NTN1: variants seen among roughly 807,000 people sequenced by gnomAD.
NTN1 encodes netrin-1.
NTN1 carries 11 observed loss-of-function variants against 54.2 expected under a neutral mutation model. The ratio of observed to expected loss-of-function variants is 0.20; its 90% CI spans 0.13 to 0.34. The LOEUF is 0.34. NTN1 is among the 10% of genes least tolerant of loss of function. NTN1 has a pLI of 1.00. For missense variants in NTN1, 740 were observed against 893.1 expected, an observed-to-expected ratio of 0.83 and a Z score of 2.18; for synonymous variants, 371 against 382.0, an observed-to-expected ratio of 0.97 and a Z score of 0.33.
At chr17:9,143,287 G>A (rs750752672) in intron 2 of NTN1, among the ~76,000 whole-genome samples, 1 of 152,222 alleles carries the variant, frequency 6.6e-6, no homozygotes, top group Non-Finnish European at 1.5e-5. Flanking sequence ...GAAAGCAGAA[G>A]CATGGCCAGG....
At chr17:9,209,840 C>G (rs972716757) in intron 5 of NTN1, among the ~76,000 whole-genome samples, 18 of 152,146 alleles carry the variant, frequency 1.2e-4, no homozygotes, top group Non-Finnish European at 4.4e-5. Context: ...AGTCTAGGCT[C>G]CTGAGAGCCA....
chr17:9,198,215 T>C (rs2142334202), intron 5 of NTN1, among the ~76,000 whole-genome samples: 1 of 152,272 alleles, frequency 6.6e-6, no homozygotes, highest in African/African-American at 2.4e-5. Flanking sequence ...AAGGCTGCAG[T>C]GGAAGTCTAG....
chr17:9,182,889 C>T (rs1314641429), intron 4 of NTN1, 27 bp from the exon 5 acceptor site: 3 of 1,613,272 alleles, frequency 1.9e-6, no homozygotes, highest in South Asian at 1.1e-5. Flanking sequence ...CTCTCCTCCC[C>T]TCGCCCCCGT....
At chr17:9,114,349 GTAT>G (rs2092203571) in intron 2 of NTN1, among the ~76,000 whole-genome samples, 2 of 150,490 alleles carry the variant, frequency 1.3e-5, no homozygotes, top group Non-Finnish European at 2.9e-5. Context: ...TATTTAGGGT[GTAT>G]AAGGTATATA....
chr17:9,226,154 T>G (rs1905533453), intron 6 of NTN1, among the ~76,000 whole-genome samples: 2 of 42,662 alleles, frequency 4.7e-5, no homozygotes, highest in African/African-American at 8.5e-5. Context: ...GGCAAAGGGA[T>G]TTGGGGTCGG....
chr17:9,091,847 A>G (rs1487697733), intron 2 of NTN1, among the ~76,000 whole-genome samples: 2 of 152,146 alleles, frequency 1.3e-5, no homozygotes, highest in Admixed American at 1.3e-4. Flanking sequence ...TCCTAAATTG[A>G]AACTCTATAC....
chr17:9,204,266 TTC>T (rs1306474714), intron 5 of NTN1, among the ~76,000 whole-genome samples: 7 of 144,422 alleles, frequency 4.8e-5, no homozygotes, highest in African/African-American at 1.9e-4. Context: ...CTCTCTCTCC[TTC>T]TCTCTCTCTT....
intron 4 of NTN1, among the ~76,000 whole-genome samples, chr17:9,182,705 G>A (rs1363218348): frequency 6.6e-6 from 1 of 152,202 alleles, no homozygotes; most frequent in Non-Finnish European, 1.5e-5. Flanking sequence ...CCCCTGCCAG[G>A]TGAAAGGAGA....
chr17:9,075,801 G>A (rs1351758250), intron 2 of NTN1, among the ~76,000 whole-genome samples: 10 of 138,936 alleles, frequency 7.2e-5, no homozygotes, highest in African/African-American at 2.2e-4. Context: ...CAGGACAGAA[G>A]TGAGGGGAAG....
At chr17:9,178,021 C>A (rs531774352) in intron 3 of NTN1, among the ~76,000 whole-genome samples, 1 of 152,222 alleles carries the variant, frequency 6.6e-6, no homozygotes, top group African/African-American at 2.4e-5. Flanking sequence ...GTGTTAAAAC[C>A]CCATCTCTAC....
At position 9,212,784 on chromosome 17, in the gene NTN1, C is replaced by T. The variant is rs1014943335; in HGVS notation, c.1412-8384C>T. ...CAAGCCCGACAGCCCAGAAGCAGAG[C>T]GGCAGAGGTGTTGCGAGCGAGTGGG... is the stretch of plus-strand genomic sequence containing the variant. On this transcript the variant is annotated intron_variant, in intron 5 of 6. Transcript: ENST00000173229. The surrounding 1 kb of genome is among the most constrained non-coding windows in gnomAD (Gnocchi z 5.5). 2.0e-5 allele frequency among the ~76,000 whole-genome samples: 3 copies of T among 152,218 alleles called. No homozygotes were observed. Among genetic ancestry groups the T allele is most frequent in the Admixed American group, 6.5e-5 (1 of 15,292 alleles).
Position 9,235,102 on chromosome 17 carries a change from A to G in NTN1, c.1487-4538A>G, listed in dbSNP as rs188304570. 2.6e-5 allele frequency among the ~76,000 whole-genome samples: 4 copies of G among 151,636 alleles called. No individual in the cohort carries two copies. The East Asian group carries it at 7.8e-4, about 30-fold the overall frequency. On this transcript the variant is annotated intron_variant, in intron 6 of 6. Coordinates refer to ENST00000173229, the MANE Select transcript of NTN1 (RefSeq NM_004822.3). ...CTCAGCCTCCCCAGTAGCTGGGATT[A>G]CAGGTGTCCACCACCATGCCTGGCT...
intron 2 of NTN1, among the ~76,000 whole-genome samples, chr17:9,034,840 C>T (rs1056991162): frequency 1.3e-5 from 2 of 152,206 alleles, no homozygotes; most frequent in Admixed American, 6.5e-5. Context: ...TAACCAGCAC[C>T]CGCATCAAGA....
intron 2 of NTN1, among the ~76,000 whole-genome samples, chr17:9,027,678 T>C (rs2091875710): frequency 6.6e-6 from 1 of 152,196 alleles, no homozygotes; most frequent in Non-Finnish European, 1.5e-5. Flanking sequence ...TATTATATTA[T>C]ATTCATACAT....
At chr17:9,188,177 C>A (rs1678468812) in intron 5 of NTN1, among the ~76,000 whole-genome samples, 1 of 152,100 alleles carries the variant, frequency 6.6e-6, no homozygotes, top group African/African-American at 2.4e-5. Flanking sequence ...GCCTGTAATC[C>A]CGGCACTATG....
At chr17:9,044,657 T>C (rs2091935540) in intron 2 of NTN1, among the ~76,000 whole-genome samples, 1 of 152,142 alleles carries the variant, frequency 6.6e-6, no homozygotes, top group Non-Finnish European at 1.5e-5. Flanking sequence ...TAGGGCACAA[T>C]GTTTATATTT....
intron 2 of NTN1, among the ~76,000 whole-genome samples, chr17:9,073,089 C>T (rs1002787493): frequency 3.9e-5 from 6 of 152,184 alleles, no homozygotes; most frequent in Non-Finnish European, 5.9e-5. Context: ...CGAGGACGAG[C>T]GGATATTGAA....
intron 2 of NTN1, among the ~76,000 whole-genome samples, chr17:9,156,288 G>A (rs2092342076): frequency 6.7e-6 from 1 of 150,116 alleles, no homozygotes; most frequent in Non-Finnish European, 1.5e-5. Context: ...GAGATAACAT[G>A]GTCAGTCTTC....
chr17:9,163,981 G>A (rs990600932), intron 3 of NTN1, among the ~76,000 whole-genome samples: 13 of 152,232 alleles, frequency 8.5e-5, no homozygotes, highest in African/African-American at 2.9e-4. Flanking sequence ...AACACACCAG[G>A]GTCCCAAGCC....
Sources: allele counts gnomAD v4.1 joint callset (sites outside exome capture counted in the v4.1 genomes callset), GRCh38; gene constraint gnomAD v4.1.1; non-coding constraint Gnocchi (gnomAD v3.1); transcripts MANE v1.5; gene names NCBI Gene and HGNC (gene_info 2026-07-23, HGNC 2026-07-21).